TMEM135: variants seen among roughly 807,000 people sequenced by gnomAD.
TMEM135 encodes the protein transmembrane protein 135.
In TMEM135, 30 loss-of-function variants were observed where a neutral mutation model predicts 60.3. That is an observed-to-expected ratio of 0.50 (90% CI 0.37 to 0.68). TMEM135 has a LOEUF of 0.68. Ranked by LOEUF, TMEM135 falls within the 30% of genes least tolerant of loss-of-function variation. The pLI is 0.00. For synonymous variants in TMEM135, 190 were observed against 186.7 expected, an observed-to-expected ratio of 1.02 and a Z score of -0.14; for missense variants, 468 against 548.8, an observed-to-expected ratio of 0.85 and a Z score of 1.47.
chr11:87,053,759 A>G (rs1456705358), intron 1 of TMEM135, among the ~76,000 whole-genome samples: 1 of 152,176 alleles, frequency 6.6e-6, no homozygotes, highest in East Asian at 1.9e-4. Flanking sequence ...TTATCGTAAT[A>G]TATACATAAT....
chr11:87,271,199 AT>A (rs1193849793), intron 6 of TMEM135, among the ~76,000 whole-genome samples: 9 of 152,190 alleles, frequency 5.9e-5, no homozygotes, highest in Non-Finnish European at 1.0e-4. Context: ...CACCAAAAAA[AT>A]ATCTGTAATC....
At chr11:87,163,031 A>G (rs200844740) in intron 5 of TMEM135, among the ~76,000 whole-genome samples, 3 of 141,626 alleles carry the variant, frequency 2.1e-5, no homozygotes, top group Non-Finnish European at 3.1e-5. Flanking sequence ...TTTTTTTTTA[A>G]TTTTTTTATT....
intron 4 of TMEM135, among the ~76,000 whole-genome samples, chr11:87,100,810 C>G (rs367690996): frequency 3.3e-5 from 5 of 151,676 alleles, no homozygotes; most frequent in African/African-American, 9.7e-5. Context: ...TGCAGTAAGC[C>G]AAGATTGCGT....
At chr11:87,074,995 A>G (rs1250955869) in intron 3 of TMEM135, among the ~76,000 whole-genome samples, 2 of 152,052 alleles carry the variant, frequency 1.3e-5, no homozygotes, top group East Asian at 1.9e-4. Context: ...GCTAGAATGC[A>G]GTGATGTGAT....
intron 1 of TMEM135, among the ~76,000 whole-genome samples, chr11:87,053,191 CAAAA>C (rs71274420): frequency 1.1e-4 from 8 of 72,256 alleles, no homozygotes; most frequent in Admixed American, 1.7e-4. Flanking sequence ...GGAGGGATAG[CAAAA>C]AAAAAAAAAA....
intron 5 of TMEM135, among the ~76,000 whole-genome samples, chr11:87,200,631 G>A (rs1325790100): frequency 6.6e-6 from 1 of 152,120 alleles, no homozygotes; most frequent in African/African-American, 2.4e-5. Flanking sequence ...ATCATTCAAT[G>A]TTCATAGTTT....
intron 4 of TMEM135, 43 bp from the exon 5 acceptor site, chr11:87,157,298 T>A: frequency 6.5e-7 from 1 of 1,542,926 alleles, no homozygotes; most frequent in South Asian, 1.1e-5. Flanking sequence ...GAGGAGAGAT[T>A]GTAGATCATA....
At chr11:87,293,181 A>G (rs1942294659) in intron 6 of TMEM135, among the ~76,000 whole-genome samples, 1 of 152,186 alleles carries the variant, frequency 6.6e-6, no homozygotes, top group Non-Finnish European at 1.5e-5. Flanking sequence ...ATGGAAAAAG[A>G]TAAGTTTAAA....
chr11:87,088,668 A>G (rs1026381856), intron 3 of TMEM135, among the ~76,000 whole-genome samples: 1 of 152,226 alleles, frequency 6.6e-6, no homozygotes, highest in African/African-American at 2.4e-5. Flanking sequence ...TCAGCTCTTC[A>G]TGAGTCCTGA....
chr11:87,290,874 AGATT>A (rs1322157848), intron 6 of TMEM135, among the ~76,000 whole-genome samples: 7 of 152,202 alleles, frequency 4.6e-5, no homozygotes, highest in Non-Finnish European at 1.5e-5. Flanking sequence ...TCATTTGCAT[AGATT>A]AAGTTGAAAA....
chr11:87,214,296 C>T (rs1435723856), intron 5 of TMEM135, among the ~76,000 whole-genome samples: 1 of 152,172 alleles, frequency 6.6e-6, no homozygotes, highest in East Asian at 1.9e-4. Context: ...AGCAGGTGAT[C>T]CTCTCCTGGT....
Position 87,302,503 on chromosome 11 carries a change from C to T in TMEM135, c.698+61C>T, listed in dbSNP as rs867224854. The T allele has an allele frequency of 3.1e-6, 5 of 1,600,974 alleles. 1 individual carries two copies. The Middle Eastern group carries it at 8.3e-4, about 265-fold the overall frequency. On this transcript the variant is annotated intron_variant, in intron 8 of 14. Transcript: ENST00000305494. ...TCACTGTTTCATATGATATTTGTAC[C>T]ATGCCAAGGTTATTTTTGTTTTCTA...
chr11:87,132,095 A>G (rs553867211), intron 4 of TMEM135, among the ~76,000 whole-genome samples: 9 of 152,290 alleles, frequency 5.9e-5, no homozygotes, highest in Non-Finnish European at 1.2e-4. Flanking sequence ...TGGTGAGTGT[A>G]TAATTATTTA....
Position 87,067,744 on chromosome 11 carries a change from A to T in TMEM135, c.192A>T (p.Leu64=). 6.2e-7 allele frequency: 1 copy of T among 1,613,744 alleles called. No homozygotes were observed. The highest frequency in any genetic ancestry group is 8.5e-7 in the Non-Finnish European group (1 of 1,179,902). ...KRKLDYYLHK[L]LPEILQSASF... is the part of the protein sequence containing the mutation. Reference sequence around the variant, plus strand: ...AATTAGACTATTATTTACACAAACTACTCCCTGAGATCCTACAATCCGCTT... The same window carrying T: ...AATTAGACTATTATTTACACAAACTTCTCCCTGAGATCCTACAATCCGCTT... Residue 64 remains leucine (L), a synonymous_variant, in exon 2 of 15, where the codon CTA becomes CTT. Transcript: ENST00000305494.
Position 87,130,598 on chromosome 11 carries a change from A to G in TMEM135, c.397-26743A>G, listed in dbSNP as rs139720296. ...TGTGTGTCTGGGTATCGCTATCATT[A>G]TCAATGACTCTTGGAACTATAGTAT... On this transcript the variant is annotated intron_variant, in intron 4 of 14. Transcript: ENST00000305494. Among the ~76,000 whole-genome samples the G allele has an allele frequency of 5.1e-3, 783 of 152,274 alleles. 11 individuals are homozygous for G. The highest frequency in any genetic ancestry group is 0.018 in the African/African-American group (745 of 41,560).
At position 87,149,366 on chromosome 11, in the gene TMEM135, GTCT is replaced by G. The variant is rs563919701; in HGVS notation, c.397-7972_397-7970del. Among the ~76,000 whole-genome samples the G allele has an allele frequency of 1.6e-4, 25 of 152,252 alleles. No homozygotes were observed. The South Asian group carries it at 2.1e-3, about 13-fold the overall frequency. ...CTCTCACCCCTGTCCTTAAGCTAGT[GTCT>G]TCGTCATTCTCAGAGGTTTATTCTT... On this transcript the variant is annotated intron_variant, in intron 4 of 14. Transcript: ENST00000305494.
chr11:87,038,266 C>T, intron 1 of TMEM135, 80 bp downstream of exon 1: 1 of 1,554,710 alleles, frequency 6.4e-7, no homozygotes, highest in Non-Finnish European at 8.8e-7. Flanking sequence ...TCCCGAGGGG[C>T]TCTGGGGGAC....
chr11:87,191,991 T>C (rs1199447067), intron 5 of TMEM135, among the ~76,000 whole-genome samples: 1 of 134,942 alleles, frequency 7.4e-6, no homozygotes. Context: ...TCTTTTCTTT[T>C]TTTTTTTTTT....
At chr11:87,042,225 G>A (rs1435258969) in intron 1 of TMEM135, among the ~76,000 whole-genome samples, 1 of 152,230 alleles carries the variant, frequency 6.6e-6, no homozygotes, top group Non-Finnish European at 1.5e-5. Context: ...ACTGATTGGG[G>A]AAGCAAGGTC....
Sources: allele counts gnomAD v4.1 joint callset (sites outside exome capture counted in the v4.1 genomes callset), GRCh38; gene constraint gnomAD v4.1.1; transcripts MANE v1.5; gene names NCBI Gene and HGNC (gene_info 2026-07-23, HGNC 2026-07-21).